GCNT2: variants seen among roughly 807,000 people sequenced by gnomAD.
GCNT2 encodes glucosaminyl (N-acetyl) transferase 2 (I blood group), also known as N-acetyllactosaminide beta-1,6-N-acetylglucosaminyl-transferase.
In GCNT2, 34 loss-of-function variants were observed where a neutral mutation model predicts 34.2. The ratio of observed to expected loss-of-function variants is 1.00; its 90% CI spans 0.76 to 1.32. The LOEUF (loss-of-function observed/expected upper bound fraction) is 1.32, where lower values mean the gene tolerates loss of function less well. GCNT2 is among the 40% of genes most tolerant of loss of function. GCNT2 has a pLI of 0.00. For synonymous variants in GCNT2, 212 were observed against 188.0 expected (o/e 1.13, Z -1.04); for missense variants, 584 against 489.4 (o/e 1.19, Z -1.82).
chr6:10,575,430 C>G (rs1763764217), intron 3 of GCNT2, among the ~76,000 whole-genome samples: 1 of 148,862 alleles, frequency 6.7e-6, no homozygotes, highest in African/African-American at 2.5e-5. Context: ...GGCGCGTTCT[C>G]AGCTCACTGC....
intron 1 of GCNT2, among the ~76,000 whole-genome samples, chr6:10,522,936 G>A (rs191656463): frequency 7.6e-4 from 116 of 152,266 alleles, no homozygotes; most frequent in East Asian, 4.6e-3. Flanking sequence ...GACTTAAAAC[G>A]AATGAGGTTC....
intron 3 of GCNT2, chr6:10,585,924 C>T: frequency 1.9e-6 from 3 of 1,600,188 alleles, no homozygotes; most frequent in South Asian, 2.2e-5. Context: ...GCAAATTCAA[C>T]CTCTCACACC....
intron 3 of GCNT2, among the ~76,000 whole-genome samples, chr6:10,571,378 G>T (rs544871244): frequency 1.3e-5 from 2 of 151,964 alleles, no homozygotes; most frequent in African/African-American, 4.8e-5. Context: ...ACAGAGTCCC[G>T]CTCTTGTTAC....
intron 3 of GCNT2, among the ~76,000 whole-genome samples, chr6:10,597,831 T>A (rs1255103206): frequency 6.6e-6 from 1 of 152,224 alleles, no homozygotes; most frequent in Non-Finnish European, 1.5e-5. Context: ...TTTGACTTTT[T>A]AAACACTTCA....
rs974287615 is a variant in GCNT2 at position 10,607,391 on chromosome 6, CT to C, written c.926-13956del. On this transcript the variant is annotated intron_variant, in intron 3 of 4. Coordinates refer to ENST00000495262, the MANE Select transcript of GCNT2 (RefSeq NM_145649.5). ...GAGCAGAACGGGGAGATGCCACACACTTTTAAACAGCCAGATCTCACGAGAA... is the reference window on the plus strand; with the variant it reads ...GAGCAGAACGGGGAGATGCCACACACTTTAAACAGCCAGATCTCACGAGAA... 5.9e-5 allele frequency among the ~76,000 whole-genome samples: 9 copies of C among 152,286 alleles called. No individual in the cohort carries two copies. In the South Asian group the frequency reaches 1.0e-3, roughly 18 times the overall value.
intron 3 of GCNT2, among the ~76,000 whole-genome samples, chr6:10,616,582 A>G (rs1442547231): frequency 6.6e-6 from 1 of 152,140 alleles, no homozygotes; most frequent in Non-Finnish European, 1.5e-5. Context: ...ACAAACCCTG[A>G]GCTAGATACA....
chr6:10,626,331 G>A lies in GCNT2; in HGVS notation c.1019-86G>A, dbSNP rs115348899. On this transcript the variant is annotated intron_variant, in intron 4 of 4. Coordinates refer to ENST00000495262, the MANE Select transcript of GCNT2 (RefSeq NM_145649.5). Reference sequence around the variant, plus strand: ...ACCATTGGCACAGTTGTAGTTAGTCGGAGAGTACCTCTAGTATTCTGTAAG... The same window carrying A: ...ACCATTGGCACAGTTGTAGTTAGTCAGAGAGTACCTCTAGTATTCTGTAAG... 6.1e-3 allele frequency: 5,791 copies of A among 952,204 alleles called. 214 individuals are homozygous for A. The African/African-American group carries it at 0.08, about 13-fold the overall frequency. The allele number at this position is 952,204 out of a possible 1,614,324, so 59.0% of individuals were successfully genotyped here.
chr6:10,545,612 A>G (rs1009032593), intron 3 of GCNT2, among the ~76,000 whole-genome samples: 2 of 152,182 alleles, frequency 1.3e-5, no homozygotes, highest in Non-Finnish European at 2.9e-5. Context: ...AAATCATAAC[A>G]GTTTTCATGA....
chr6:10,554,004 C>G (rs1252293041), intron 3 of GCNT2, among the ~76,000 whole-genome samples: 2 of 152,270 alleles, frequency 1.3e-5, no homozygotes, highest in South Asian at 4.1e-4. Context: ...ACATGTCTAG[C>G]CTGATTAATT....
At chr6:10,617,547 G>T (rs1461647648) in intron 3 of GCNT2, among the ~76,000 whole-genome samples, 1 of 152,198 alleles carries the variant, frequency 6.6e-6, no homozygotes, top group Non-Finnish European at 1.5e-5. Context: ...GCGAGCGAGG[G>T]CTGCTAGCAT....
chr6:10,534,028 T>A (rs78903683), intron 3 of GCNT2, among the ~76,000 whole-genome samples: 2,100 of 151,688 alleles, frequency 0.014, 47 homozygotes, highest in African/African-American at 0.048. Context: ...TGCTTCTACT[T>A]TATTTGAAAT....
At chr6:10,561,583 C>T (rs1044432527) in intron 3 of GCNT2, among the ~76,000 whole-genome samples, 1 of 152,204 alleles carries the variant, frequency 6.6e-6, no homozygotes, top group African/African-American at 2.4e-5. Context: ...TGATCTTCTT[C>T]CCAGTCCATT....
intron 3 of GCNT2, among the ~76,000 whole-genome samples, chr6:10,576,000 G>C (rs892637715): frequency 8.5e-5 from 13 of 152,244 alleles, no homozygotes; most frequent in African/African-American, 2.6e-4. Context: ...GAAATAAACA[G>C]CCATGTTGCT....
rs548089052 is a variant in GCNT2, at chr6:10,543,323, G to A, written c.925+13487G>A. On this transcript the variant is annotated intron_variant, in intron 3 of 4. Coordinates refer to ENST00000495262, the MANE Select transcript of GCNT2 (RefSeq NM_145649.5). ...CGTGCCTCAGCCTCCCAAGTAGCTG[G>A]GACTACGGGAGCACACCACCACACC... is the stretch of plus-strand genomic sequence containing the variant. Among the ~76,000 whole-genome samples, 3 of 151,868 alleles carry A rather than the reference G, an allele frequency of 2.0e-5. No individual in the cohort carries two copies. In the South Asian group the frequency reaches 6.2e-4, roughly 32 times the overall value.
At chr6:10,593,901 C>CGTAGTGTAAGG (rs1764746481) in intron 3 of GCNT2, among the ~76,000 whole-genome samples, 1 of 152,188 alleles carries the variant, frequency 6.6e-6, no homozygotes, top group Non-Finnish European at 1.5e-5. Context: ...TGGAGACAGA[C>CGTAGTGTAAGG]GTAGTGTAAG....
chr6:10,550,989 T>C (rs1297451169), intron 3 of GCNT2, among the ~76,000 whole-genome samples: 2 of 152,344 alleles, frequency 1.3e-5, no homozygotes, highest in Non-Finnish European at 1.5e-5. Flanking sequence ...ATACAATTAA[T>C]GAGTCAGTCA....
chr6:10,554,790 C>G (rs1037987855), intron 3 of GCNT2, among the ~76,000 whole-genome samples: 2 of 152,104 alleles, frequency 1.3e-5, no homozygotes, highest in Admixed American at 6.5e-5. Context: ...TTGTTTTCTA[C>G]TTGACCTAAA....
intron 3 of GCNT2, chr6:10,558,030 T>C (rs557681009): frequency 2.6e-5 from 4 of 152,608 alleles, no homozygotes; most frequent in African/African-American, 9.6e-5. Context: ...CTCCACAGGC[T>C]CCTTCCCCTT....
Position 10,548,530 on chromosome 6 carries a change from T to TA in GCNT2, c.925+18695dup, listed in dbSNP as rs564916295. Among the ~76,000 whole-genome samples, 524 of 152,342 alleles carry TA rather than the reference T, an allele frequency of 3.4e-3. 3 individuals are homozygous for TA. Among genetic ancestry groups the TA allele is most frequent in the Non-Finnish European group, 4.5e-3 (308 of 68,030 alleles). On this transcript the variant is annotated intron_variant, in intron 3 of 4. Coordinates refer to ENST00000495262, the MANE Select transcript of GCNT2 (RefSeq NM_145649.5). The stretch of plus-strand genomic sequence containing the variant: ...CACTCATACTTTCCTGGTACCCTCT[T>TA]ATTACCATCCACTCCACTTGCCAGG...
Sources: gnomAD v4.1 joint callset for allele counts (sites outside exome capture counted in the v4.1 genomes callset) on GRCh38, gnomAD v4.1.1 for gene constraint, MANE v1.5 for transcripts, NCBI Gene and HGNC (gene_info 2026-07-23, HGNC 2026-07-21) for gene names.